FGF12: variants seen among roughly 807,000 people sequenced by gnomAD.
FGF12 encodes the protein fibroblast growth factor 12.
Under a neutral mutation model 23.6 loss-of-function variants are expected in FGF12, and 14 were observed. That is an observed-to-expected ratio of 0.59 (90% CI 0.39 to 0.93). The LOEUF is 0.93. FGF12 is among the 40% of genes least tolerant of loss of function. The pLI is 0.00. For missense variants in FGF12, 175 were observed against 217.8 expected (o/e 0.80, Z 1.24); for synonymous variants, 62 against 77.3 (o/e 0.80, Z 1.04).
intron 2 of FGF12, among the ~76,000 whole-genome samples, chr3:192,464,317 T>C (rs1282199270): frequency 1.3e-5 from 2 of 151,320 alleles, no homozygotes; most frequent in Non-Finnish European, 2.9e-5. Context: ...GCCTCCAAAG[T>C]CCGCTGTCTC....
At chr3:192,201,307 G>A (rs528065538) in intron 4 of FGF12, among the ~76,000 whole-genome samples, 1 of 152,226 alleles carries the variant, frequency 6.6e-6, no homozygotes, top group South Asian at 2.1e-4. Flanking sequence ...TATGTGTGGG[G>A]GAATGGAAAT....
chr3:192,275,581 G>A (rs1464512917), intron 4 of FGF12, among the ~76,000 whole-genome samples: 1 of 152,164 alleles, frequency 6.6e-6, no homozygotes, highest in African/African-American at 2.4e-5. Context: ...AAAAGGTTTT[G>A]TGAAGGTGGT....
intron 2 of FGF12, among the ~76,000 whole-genome samples, chr3:192,532,755 T>C (rs987936686): frequency 6.6e-6 from 1 of 152,170 alleles, no homozygotes; most frequent in Non-Finnish European, 1.5e-5. Flanking sequence ...TGCCTTCAGG[T>C]ATTTTTAGCA....
intron 2 of FGF12, among the ~76,000 whole-genome samples, chr3:192,645,621 G>A (rs1170669770): frequency 6.6e-6 from 1 of 152,058 alleles, no homozygotes; most frequent in Non-Finnish European, 1.5e-5. Flanking sequence ...CATCAGATAT[G>A]TCTAGGGGAG....
chr3:192,394,293 A>T (rs1277559123), intron 2 of FGF12, among the ~76,000 whole-genome samples: 1 of 152,212 alleles, frequency 6.6e-6, no homozygotes, highest in East Asian at 1.9e-4. Context: ...GAAACAAGGA[A>T]AATTTAGAAA....
At chr3:192,719,486 T>G (rs1018940624) in intron 2 of FGF12, among the ~76,000 whole-genome samples, 1 of 152,292 alleles carries the variant, frequency 6.6e-6, no homozygotes, top group Non-Finnish European at 1.5e-5. Context: ...TGTTAAGTTA[T>G]TTGTAGGCTT....
chr3:192,428,545 A>G (rs556381179), intron 2 of FGF12, among the ~76,000 whole-genome samples: 3 of 152,288 alleles, frequency 2.0e-5, no homozygotes, highest in South Asian at 4.1e-4. Context: ...TTGGAATGTT[A>G]TTAATATATA....
At chr3:192,676,026 G>A (rs528307818) in intron 2 of FGF12, among the ~76,000 whole-genome samples, 150 of 152,292 alleles carry the variant, frequency 9.8e-4, no homozygotes, top group African/African-American at 3.5e-3. Flanking sequence ...TTTTGACAAA[G>A]CCTGTCCAAA....
intron 2 of FGF12, among the ~76,000 whole-genome samples, chr3:192,535,313 G>A (rs917583570): frequency 2.0e-5 from 3 of 152,032 alleles, no homozygotes; most frequent in Admixed American, 2.0e-4. Flanking sequence ...ATATCCATAG[G>A]GAAAAAATTC....
chr3:192,202,069 AT>A (rs1297298163), intron 4 of FGF12, among the ~76,000 whole-genome samples: 1 of 152,216 alleles, frequency 6.6e-6, no homozygotes. Flanking sequence ...CATTTATCTC[AT>A]TCAGATGACA....
At chr3:192,423,989 C>G (rs1473840027) in intron 2 of FGF12, among the ~76,000 whole-genome samples, 2 of 152,024 alleles carry the variant, frequency 1.3e-5, no homozygotes, top group African/African-American at 4.8e-5. Context: ...TAGCTCTGAT[C>G]TCCGAAATTT....
At chr3:192,631,148 C>A (rs77475308) in intron 2 of FGF12, among the ~76,000 whole-genome samples, 14,727 of 152,164 alleles carry the variant, frequency 0.097, 900 homozygotes, top group Non-Finnish European at 0.14. Context: ...TGAGAAGGAT[C>A]TTTTTTTGCT....
chr3:192,486,536 C>T (rs940073915), intron 2 of FGF12, among the ~76,000 whole-genome samples: 2 of 151,830 alleles, frequency 1.3e-5, no homozygotes, highest in African/African-American at 2.4e-5. Flanking sequence ...CCTCTAGTGT[C>T]GGAAAAGTTT....
chr3:192,392,388 A>G (rs1420219669), intron 2 of FGF12, among the ~76,000 whole-genome samples: 2 of 150,758 alleles, frequency 1.3e-5, no homozygotes, highest in African/African-American at 4.9e-5. Context: ...ACCAACATGG[A>G]GAAACCCCGT....
chr3:192,486,276 G>A (rs1257923666), intron 2 of FGF12, among the ~76,000 whole-genome samples: 1 of 152,138 alleles, frequency 6.6e-6, no homozygotes, highest in Non-Finnish European at 1.5e-5. Context: ...TCAAATGAGT[G>A]AGACAGATAA....
chr3:192,685,521 G>A (rs935973745), intron 2 of FGF12, among the ~76,000 whole-genome samples: 1 of 152,186 alleles, frequency 6.6e-6, no homozygotes, highest in Non-Finnish European at 1.5e-5. Flanking sequence ...AAGCAGAACT[G>A]AGAGGGAGAC....
At chr3:192,612,404 T>C (rs1344876162) in intron 2 of FGF12, among the ~76,000 whole-genome samples, 2 of 152,000 alleles carry the variant, frequency 1.3e-5, no homozygotes, top group Non-Finnish European at 2.9e-5. Context: ...CTGGGATCTA[T>C]AACACACATC....
chr3:192,531,775 C>A (rs1189961698), intron 2 of FGF12, among the ~76,000 whole-genome samples: 1 of 152,184 alleles, frequency 6.6e-6, no homozygotes, highest in Non-Finnish European at 1.5e-5. Context: ...ACGCTTGATG[C>A]TGTCACTGAC....
chr3:192,506,748 T>C (rs1404762157), intron 2 of FGF12, among the ~76,000 whole-genome samples: 2 of 152,116 alleles, frequency 1.3e-5, no homozygotes, highest in African/African-American at 4.8e-5. Context: ...TATTTATAAT[T>C]TGCTAATTTT....
Sources: allele counts gnomAD v4.1 joint callset (sites outside exome capture counted in the v4.1 genomes callset), GRCh38; gene constraint gnomAD v4.1.1; transcripts MANE v1.5; gene names NCBI Gene and HGNC (gene_info 2026-07-23, HGNC 2026-07-21).